Variants in GTF2H3 observed in about 807,000 individuals in gnomAD.
GTF2H3 encodes the protein general transcription factor IIH subunit 3, also known as TFIIH basal transcription factor complex p34 subunit.
GTF2H3 carries 42 observed loss-of-function variants against 51.1 expected under a neutral mutation model. The ratio of observed to expected loss-of-function variants is 0.82; its 90% CI spans 0.64 to 1.06. The LOEUF is 1.06. Among genes scored for constraint, GTF2H3 ranks in the 50% least tolerant of loss-of-function variants. The probability of loss-of-function intolerance (pLI) is 0.00; values close to 1 mark genes in which losing one functional copy is unlikely to be tolerated. For synonymous variants in GTF2H3, 123 were observed against 123.8 expected (o/e 0.99, Z 0.04); for missense variants, 326 against 366.1 (o/e 0.89, Z 0.89).
intron 9 of GTF2H3, among the ~76,000 whole-genome samples, chr12:123,657,211 G>A (rs1299541610): frequency 2.0e-5 from 3 of 150,442 alleles, no homozygotes; most frequent in Non-Finnish European, 4.4e-5. Context: ...AATTACTTTT[G>A]CACCAACCTA....
At chr12:123,642,181 T>TC (rs1455489390) in intron 2 of GTF2H3, among the ~76,000 whole-genome samples, 2 of 141,000 alleles carry the variant, frequency 1.4e-5, no homozygotes, top group African/African-American at 5.3e-5. Flanking sequence ...TCTTTTCTTT[T>TC]TTTTTTTGAG....
At chr12:123,635,709 G>A (rs1439315856) in intron 1 of GTF2H3, among the ~76,000 whole-genome samples, 1 of 152,154 alleles carries the variant, frequency 6.6e-6, no homozygotes, top group Non-Finnish European at 1.5e-5. Flanking sequence ...CACTACACCA[G>A]TTCTGATTTA....
chr12:123,659,774 TTTTG>T lies in GTF2H3; in HGVS notation c.685-9_685-6del, dbSNP rs772030945. ...TTCCCATGTTTTAAATAAAAGTTTC[TTTTG>T]TTTGTTTGTTTTACAGTGGGTGTTT... On this transcript the variant is annotated splice_polypyrimidine_tract_variant and intron_variant, in intron 10 of 12. Coordinates refer to ENST00000543341, the MANE Select transcript of GTF2H3 (RefSeq NM_001516.5). 10 of 1,602,730 alleles carry T rather than the reference TTTTG, an allele frequency of 6.2e-6. No individual in the cohort carries two copies. Among genetic ancestry groups the T allele is most frequent in the Non-Finnish European group, 8.5e-6 (10 of 1,176,160 alleles).
chr12:123,649,233 G>C (rs768743940), intron 4 of GTF2H3: 1 of 152,202 alleles, frequency 6.6e-6, no homozygotes, highest in Non-Finnish European at 1.5e-5. Flanking sequence ...CTTCCAAAGG[G>C]CTGGAATTAC....
chr12:123,641,080 C>A lies in GTF2H3; in HGVS notation c.93+1737C>A, dbSNP rs535402892. Among the ~76,000 whole-genome samples, 3 of 152,078 alleles carry A rather than the reference C, an allele frequency of 2.0e-5. No individual in the cohort carries two copies. In the South Asian group the frequency reaches 6.2e-4, roughly 32 times the overall value. On this transcript the variant is annotated intron_variant, in intron 2 of 12. Transcript: ENST00000543341. ...GGTGGGAGGATCACTGGTGCCCAGG[C>A]GGTTGAGTCTGCAGTGAGCCATAAC... is the stretch of plus-strand genomic sequence containing the variant.
chr12:123,638,127 A>G (rs542432609), intron 1 of GTF2H3, among the ~76,000 whole-genome samples: 2 of 152,002 alleles, frequency 1.3e-5, no homozygotes, highest in South Asian at 2.1e-4. Context: ...CCTCCTGAGT[A>G]GCTGGGACTA....
intron 2 of GTF2H3, among the ~76,000 whole-genome samples, chr12:123,640,539 T>C (rs1842288210): frequency 6.6e-6 from 1 of 152,020 alleles, no homozygotes; most frequent in Non-Finnish European, 1.5e-5. Context: ...AGTTTCACCA[T>C]GTTGGCCAGG....
Position 123,648,049 on chromosome 12 carries a change from G to T in GTF2H3, c.287G>T (p.Ser96Ile). ...CCTCCTGAATTTAATCCCTCTGGGA[G>T]TAAAGATGGAAAATACGAACTTTTA... is the stretch of plus-strand genomic sequence containing the variant. ...GNPPEFNPSGSKDGKYELLTS... is the reference protein window; with the variant it reads ...GNPPEFNPSGIKDGKYELLTS... The change falls in exon 4 of 13, where the codon AGT (serine) becomes ATT (isoleucine). Residue 96 changes from serine to isoleucine, a missense_variant. By Grantham distance (142) the Ser-to-Ile change is moderately radical. Coordinates refer to ENST00000543341, the MANE Select transcript of GTF2H3 (RefSeq NM_001516.5). 3 of 1,608,782 alleles carry T rather than the reference G, an allele frequency of 1.9e-6. No homozygotes were observed. The highest frequency in any genetic ancestry group is 2.6e-6 in the Non-Finnish European group (3 of 1,175,086).
At chr12:123,651,707 C>G (rs1330818982) in intron 5 of GTF2H3, among the ~76,000 whole-genome samples, 1 of 151,796 alleles carries the variant, frequency 6.6e-6, no homozygotes, top group Non-Finnish European at 1.5e-5. Context: ...GTAGTCCCAG[C>G]TACTAGGGAG....
chr12:123,655,332 G>A (rs1310924247), intron 8 of GTF2H3, among the ~76,000 whole-genome samples: 3 of 152,086 alleles, frequency 2.0e-5, no homozygotes, highest in African/African-American at 7.2e-5. Flanking sequence ...TTATCTTGTT[G>A]CTGTGGCGAA....
intron 5 of GTF2H3, 88 bp downstream of exon 5, chr12:123,651,144 A>G (rs1955514916): frequency 4.4e-6 from 4 of 902,982 alleles, no homozygotes; most frequent in African/African-American, 1.6e-5. Flanking sequence ...TTGGGTGCCC[A>G]TTACTGGGAC....
At chr12:123,655,670 T>A (rs1955577761) in intron 8 of GTF2H3, 101 bp from the exon 9 acceptor site, 1 of 709,700 alleles carries the variant, frequency 1.4e-6, no homozygotes, top group Non-Finnish European at 2.5e-6. Flanking sequence ...GCATATTGAG[T>A]GAGCTATTTT....
intron 1 of GTF2H3, among the ~76,000 whole-genome samples, chr12:123,635,548 G>C (rs1242972798): frequency 6.7e-6 from 1 of 148,690 alleles, no homozygotes; most frequent in African/African-American, 2.5e-5. Context: ...ACTCCAGCTT[G>C]GGCGACAGAG....
intron 1 of GTF2H3, among the ~76,000 whole-genome samples, chr12:123,634,538 G>A (rs1420383130): frequency 6.6e-6 from 1 of 152,258 alleles, no homozygotes; most frequent in Non-Finnish European, 1.5e-5. Context: ...TTGTGACTAG[G>A]ATTGAGGAGG....
chr12:123,660,101 G>A lies in GTF2H3; in HGVS notation c.857+19G>A. The A allele has an allele frequency of 6.2e-7, 1 of 1,608,610 alleles. No individual in the cohort carries two copies. The highest frequency in any genetic ancestry group is 8.5e-7 in the Non-Finnish European group (1 of 1,178,252). ...CGTGCGAGTAAGTATCTTTGAGATT[G>A]TGTGGGTGGCTAATACTTCACAGCT... On this transcript the variant is annotated intron_variant, in intron 12 of 12. Transcript: ENST00000543341.
intron 10 of GTF2H3, 58 bp from the exon 11 acceptor site, chr12:123,659,737 C>T: frequency 6.4e-7 from 1 of 1,566,288 alleles, no homozygotes. Flanking sequence ...GGGTGGGCTT[C>T]ATGTTATTTT....
chr12:123,648,570 A>G (rs1293624902), intron 4 of GTF2H3, among the ~76,000 whole-genome samples: 1 of 152,134 alleles, frequency 6.6e-6, no homozygotes, highest in Non-Finnish European at 1.5e-5. Flanking sequence ...TTCATGCTCA[A>G]ATGCCTCCAT....
rs112546170 is a variant in GTF2H3 at position 123,641,527 on chromosome 12, G to GTTTTTTTTTTTTTTTTTTTTTTTTTTT, written c.93+2195_93+2196insTTTTTTTTTTTTTTTTTTTTTTTTTTT. Among the ~76,000 whole-genome samples the GTTTTTTTTTTTTTTTTTTTTTTTTTTT allele has an allele frequency of 1.6e-5, 2 of 128,548 alleles. 1 individual carries two copies. Among genetic ancestry groups the GTTTTTTTTTTTTTTTTTTTTTTTTTTT allele is most frequent in the African/African-American group, 6.8e-5 (2 of 29,328 alleles). 84.3% of individuals were successfully genotyped at this position (128,548 alleles called of 152,430 possible). A position where few individuals can be genotyped will look rare whatever the true frequency, so the allele number is the denominator to read the frequency against. On this transcript the variant is annotated intron_variant, in intron 2 of 12. Transcript: ENST00000543341. The stretch of plus-strand genomic sequence containing the variant: ...AGGCATGAGCCACGTGTCTGCCCCC[G>GTTTTTTTTTTTTTTTTTTTTTTTTTTT]TTTTTTTTTTTGTGTGTTTTTTTTT...
intron 11 of GTF2H3, 44 bp downstream of exon 11, chr12:123,659,974 G>T (rs769791966): frequency 6.2e-7 from 1 of 1,603,542 alleles, no homozygotes; most frequent in Non-Finnish European, 8.5e-7. Context: ...TATGTTGGGG[G>T]GCAGGAAAAC....
Sources: gnomAD v4.1 joint callset for allele counts (sites outside exome capture counted in the v4.1 genomes callset) on GRCh38, gnomAD v4.1.1 for gene constraint, MANE v1.5 for transcripts, NCBI Gene and HGNC (gene_info 2026-07-23, HGNC 2026-07-21) for gene names.